Variants in CD40 observed in about 807,000 individuals in gnomAD.
The protein encoded by CD40 is tumor necrosis factor receptor superfamily member 5.
Under a neutral mutation model 38.5 loss-of-function variants are expected in CD40, and 19 were observed. The observed-to-expected ratio is 0.49, with a 90% CI of 0.34 to 0.72. The LOEUF is 0.72. CD40 is among the 30% of genes least tolerant of loss of function. The probability of loss-of-function intolerance (pLI) is 0.01; values close to 1 mark genes in which losing one functional copy is unlikely to be tolerated. For synonymous variants in CD40, 130 were observed against 128.7 expected (o/e 1.01, Z -0.07); for missense variants, 256 against 344.1 (o/e 0.74, Z 2.03).
chr20:46,128,790 G>T lies in CD40; in HGVS notation c.676-92G>T, dbSNP rs761357804. On this transcript the variant is annotated intron_variant, in intron 8 of 8. Coordinates refer to ENST00000372285, the MANE Select transcript of CD40 (RefSeq NM_001250.6). ...CCCGCCGTCTGGGAAAGGGGGGAGGGCTTGGGGAAGGGATCCGCTTCCCAG... is the reference window on the plus strand; with the variant it reads ...CCCGCCGTCTGGGAAAGGGGGGAGGTCTTGGGGAAGGGATCCGCTTCCCAG... The T allele has an allele frequency of 7.3e-6, 10 of 1,372,516 alleles. No homozygotes were observed. The South Asian group carries it at 1.2e-4, about 16-fold the overall frequency. 85.0% of individuals were successfully genotyped at this position (1,372,516 alleles called of 1,614,324 possible).
intron 8 of CD40, chr20:46,128,616 G>A: frequency 1.4e-6 from 1 of 694,980 alleles, no homozygotes; most frequent in Non-Finnish European, 2.6e-6. Flanking sequence ...AACGCGTGGG[G>A]AGCTGCATCT....
At chr20:46,128,112 G>A (rs377180915) in intron 6 of CD40, 26 bp from the exon 7 acceptor site, 31 of 1,613,940 alleles carry the variant, frequency 1.9e-5, no homozygotes, top group Non-Finnish European at 2.5e-5. Flanking sequence ...GGTGAGGGGT[G>A]CATGCTGAAG....
chr20:46,129,169 T>C lies in CD40; in HGVS notation c.*129T>C, dbSNP rs769214684. ...CTGGGCATAGCTCCCCGCTTCTGCC[T>C]GCACCCCTGCAGTTTGAGACAGGAG... On this transcript the variant is annotated 3_prime_UTR_variant, in exon 9 of 9. Transcript: ENST00000372285. 1.1e-5 allele frequency: 11 copies of C among 998,208 alleles called. No homozygotes were observed. Among genetic ancestry groups the C allele is most frequent in the Non-Finnish European group, 1.7e-5 (11 of 646,396 alleles). 61.8% of individuals were successfully genotyped at this position (998,208 alleles called of 1,614,324 possible).
intron 1 of CD40, among the ~76,000 whole-genome samples, chr20:46,119,555 G>T (rs1434811963): frequency 1.3e-5 from 2 of 152,194 alleles, no homozygotes; most frequent in Admixed American, 1.3e-4. Flanking sequence ...CTTCTCAAGA[G>T]CAGAGTTTGC....
intron 5 of CD40, among the ~76,000 whole-genome samples, chr20:46,123,635 T>C (rs2085362586): frequency 6.6e-6 from 1 of 152,216 alleles, no homozygotes; most frequent in African/African-American, 2.4e-5. Flanking sequence ...GTCCTGCCAC[T>C]GGCTGTCTAC....
At chr20:46,126,566 A>C in intron 5 of CD40, 74 bp from the exon 6 acceptor site, 1 of 1,588,376 alleles carries the variant, frequency 6.3e-7, no homozygotes, top group Non-Finnish European at 8.6e-7. Flanking sequence ...AGAGTTGGAA[A>C]TCTTATGCTT....
chr20:46,124,965 C>T (rs1477259170), intron 5 of CD40, among the ~76,000 whole-genome samples: 1 of 151,496 alleles, frequency 6.6e-6, no homozygotes, highest in Non-Finnish European at 1.5e-5. Context: ...GACGGCGTTT[C>T]ACCGTGTTAG....
At position 46,126,062 on chromosome 20, in the gene CD40, AGG is replaced by A. The variant is rs755188770; in HGVS notation, c.498-574_498-573del. On this transcript the variant is annotated intron_variant, in intron 5 of 8. Transcript: ENST00000372285. ...GAACCTTAAACCAGAGGTTCTCAAC[AGG>A]GGGCAGTTTTGCTCCCTGTGGAACG... Among the ~76,000 whole-genome samples, 3 of 152,208 alleles carry A rather than the reference AGG, an allele frequency of 2.0e-5. No homozygotes were observed. In the East Asian group the frequency reaches 5.8e-4, roughly 29 times the overall value.
chr20:46,125,498 C>T (rs532374428), intron 5 of CD40, among the ~76,000 whole-genome samples: 5 of 139,140 alleles, frequency 3.6e-5, no homozygotes, highest in East Asian at 4.4e-4. Flanking sequence ...GAGCTGAGAT[C>T]GCGCCACTGC....
intron 1 of CD40, among the ~76,000 whole-genome samples, chr20:46,120,758 G>A (rs2085301933): frequency 6.6e-6 from 1 of 152,176 alleles, no homozygotes; most frequent in Non-Finnish European, 1.5e-5. Context: ...AATGATGTGA[G>A]GTTTACATTT....
intron 1 of CD40, among the ~76,000 whole-genome samples, chr20:46,120,793 G>A (rs1449816667): frequency 6.6e-5 from 10 of 152,202 alleles, no homozygotes; most frequent in Non-Finnish European, 1.3e-4. Context: ...GGCCAGGCAC[G>A]GTGGCTTGTG....
At position 46,128,238 on chromosome 20, in the gene CD40, TGG is replaced by T. The variant is rs750023774; in HGVS notation, c.646+17_646+18del. On this transcript the variant is annotated intron_variant, in intron 7 of 8. Transcript: ENST00000372285. ...TGGTCTTTATCAGTGAGTCCTCAGG[TGG>T]GGAGGTGTTGGGGGAGGGAGGGGAG... The T allele has an allele frequency of 4.1e-5, 66 of 1,593,326 alleles. No individual in the cohort carries two copies. In the East Asian group the frequency reaches 1.5e-3, roughly 36 times the overall value.
intron 5 of CD40, among the ~76,000 whole-genome samples, chr20:46,125,878 GAC>G (rs1271766041): frequency 6.6e-6 from 1 of 152,172 alleles, no homozygotes; most frequent in African/African-American, 2.4e-5. Context: ...TGGTTCTAAA[GAC>G]ACAATTTTCC....
intron 5 of CD40, among the ~76,000 whole-genome samples, chr20:46,124,891 T>C (rs1357021636): frequency 3.3e-5 from 5 of 149,316 alleles, no homozygotes; most frequent in Non-Finnish European, 7.4e-5. Context: ...CTCAGCCTCC[T>C]GAGTAGCTGG....
chr20:46,123,367 A>G (rs1026387689), intron 5 of CD40, 148 bp downstream of exon 5: 1 of 787,020 alleles, frequency 1.3e-6, no homozygotes, highest in African/African-American at 1.7e-5. Context: ...CTCATGGCCA[A>G]CCAGACAGGC....
chr20:46,125,814 C>T (rs981271377), intron 5 of CD40, among the ~76,000 whole-genome samples: 2 of 152,186 alleles, frequency 1.3e-5, no homozygotes, highest in African/African-American at 2.4e-5. Context: ...TGGTTGGATG[C>T]TGATGAGACT....
Position 46,128,958 on chromosome 20 carries a change from T to G in CD40, c.752T>G (p.Val251Gly). 6.2e-7 allele frequency: 1 copy of G among 1,614,208 alleles called. No homozygotes were observed. Among genetic ancestry groups the G allele is most frequent in the Non-Finnish European group, 8.5e-7 (1 of 1,180,032 alleles). ...DLPGSNTAAP[V>G]QETLHGCQPV... ...CCTGGCTCCAACACTGCTGCTCCAG[T>G]GCAGGAGACTTTACATGGATGCCAA... The change falls in exon 9 of 9, where the codon GTG becomes GGG. Residue 251 changes from valine to glycine, a missense_variant. Val to Gly is a moderately radical substitution (Grantham distance 109, BLOSUM62 -3). Transcript: ENST00000372285.
At chr20:46,124,160 T>G (rs2085374940) in intron 5 of CD40, among the ~76,000 whole-genome samples, 1 of 151,898 alleles carries the variant, frequency 6.6e-6, no homozygotes, top group Non-Finnish European at 1.5e-5. Flanking sequence ...ATTAGCTGGG[T>G]GTGGTGGTGG....
At position 46,126,376 on chromosome 20, in the gene CD40, T is replaced by C. The variant is rs113001943; in HGVS notation, c.498-264T>C. Among the ~76,000 whole-genome samples, 660 of 152,348 alleles carry C rather than the reference T, an allele frequency of 4.3e-3. 5 individuals carry two copies. Among genetic ancestry groups the C allele is most frequent in the Non-Finnish European group, 5.1e-3 (350 of 68,036 alleles). ...CTTTAGCCTACCTAGATCACAAAGC[T>C]TGGCACTCATTATAGACTCCCCTAT... On this transcript the variant is annotated intron_variant, in intron 5 of 8. Transcript: ENST00000372285.
Sources: allele counts gnomAD v4.1 joint callset (sites outside exome capture counted in the v4.1 genomes callset), GRCh38; gene constraint gnomAD v4.1.1; transcripts MANE v1.5; gene names NCBI Gene and HGNC (gene_info 2026-07-23, HGNC 2026-07-21).